SPOCK3: variants seen among roughly 807,000 people sequenced by gnomAD.
SPOCK3 encodes the protein SPARC (osteonectin), cwcv and kazal like domains proteoglycan 3.
A neutral mutation model predicts 56.6 loss-of-function variants in SPOCK3; 30 were observed. The ratio of observed to expected loss-of-function variants is 0.53; its 90% confidence interval spans 0.40 to 0.72. The LOEUF is 0.72. Ranked by LOEUF, SPOCK3 falls within the 30% of genes least tolerant of loss-of-function variation. SPOCK3 has a pLI of 0.00. For missense variants in SPOCK3, 527 were observed against 530.0 expected, an observed-to-expected ratio of 0.99 and a Z score of 0.06; for synonymous variants, 196 against 183.3, an observed-to-expected ratio of 1.07 and a Z score of -0.56.
At chr4:167,162,456 G>A (rs545739472) in intron 2 of SPOCK3, among the ~76,000 whole-genome samples, 1 of 152,164 alleles carries the variant, frequency 6.6e-6, no homozygotes, top group East Asian at 1.9e-4. Context: ...CTAGCCCCAT[G>A]TACTTACTTA....
chr4:166,877,718 A>C (rs1399031530), intron 6 of SPOCK3, among the ~76,000 whole-genome samples: 1 of 152,164 alleles, frequency 6.6e-6, no homozygotes, highest in East Asian at 1.9e-4. Flanking sequence ...ATTTGGGAAA[A>C]ATATATTAAA....
At chr4:166,846,637 T>C (rs1425379349) in intron 6 of SPOCK3, among the ~76,000 whole-genome samples, 1 of 152,126 alleles carries the variant, frequency 6.6e-6, no homozygotes, top group East Asian at 1.9e-4. Context: ...TTAGCTCACT[T>C]TAATTCACAT....
At chr4:166,909,304 T>C (rs930185415) in intron 5 of SPOCK3, among the ~76,000 whole-genome samples, 3 of 152,188 alleles carry the variant, frequency 2.0e-5, no homozygotes, top group East Asian at 1.9e-4. Context: ...CTTTTAAAAT[T>C]ATATCTTAGT....
At chr4:166,934,185 C>T (rs1740104994) in intron 4 of SPOCK3, among the ~76,000 whole-genome samples, 1 of 151,892 alleles carries the variant, frequency 6.6e-6, no homozygotes, top group South Asian at 2.1e-4. Context: ...TATGAAACCA[C>T]ATACATAAGA....
intron 4 of SPOCK3, among the ~76,000 whole-genome samples, chr4:166,975,988 A>G (rs1404299799): frequency 1.3e-5 from 2 of 152,080 alleles, no homozygotes; most frequent in Admixed American, 6.6e-5. Flanking sequence ...GGGAGTGCAG[A>G]TATCTTTTCA....
intron 4 of SPOCK3, among the ~76,000 whole-genome samples, chr4:166,966,351 A>C (rs1197830339): frequency 1.3e-5 from 2 of 151,696 alleles, no homozygotes; most frequent in Non-Finnish European, 2.9e-5. Context: ...GCTTTCTTTC[A>C]GTCATTATTT....
At chr4:167,234,824 A>G (rs542712307), upstream of SPOCK3, 1 of 152,820 alleles carries the variant, frequency 6.5e-6, no homozygotes, top group East Asian at 1.9e-4. Context: ...AGAGGTTCTC[A>G]TGTTCGCGAG....
At chr4:166,897,505 G>T (rs535428501) in intron 5 of SPOCK3, among the ~76,000 whole-genome samples, 1 of 152,108 alleles carries the variant, frequency 6.6e-6, no homozygotes, top group Non-Finnish European at 1.5e-5. Context: ...TTCCTTAGCT[G>T]CAACACAAAA....
chr4:166,843,542 A>G (rs1002145520), intron 6 of SPOCK3, among the ~76,000 whole-genome samples: 1 of 152,178 alleles, frequency 6.6e-6, no homozygotes, highest in African/African-American at 2.4e-5. Context: ...TTGAAAAAAT[A>G]AGCCACCATG....
chr4:166,884,375 T>A (rs1204386639), intron 6 of SPOCK3, among the ~76,000 whole-genome samples: 3 of 146,518 alleles, frequency 2.0e-5, no homozygotes, highest in African/African-American at 2.5e-5. Flanking sequence ...AAAAAAAAAA[T>A]GAAAAAAAAA....
rs528399819 is a variant in SPOCK3, at chr4:167,198,273, G to A, written c.189+35712C>T. On this transcript the variant is annotated intron_variant, in intron 2 of 10. Coordinates refer to ENST00000357545, the MANE Select transcript of SPOCK3 (RefSeq NM_001040159.2). ...TCAAAAAAAATTAAAGTCTTTCTGT[G>A]GAGGTTCCTGTCACAACCCCCAAAG... Among the ~76,000 whole-genome samples the A allele has an allele frequency of 3.3e-5, 5 of 152,168 alleles. No individual in the cohort carries two copies. The South Asian group carries it at 1.0e-3, about 32-fold the overall frequency.
At chr4:166,850,497 C>T (rs1478292134) in intron 6 of SPOCK3, among the ~76,000 whole-genome samples, 2 of 152,224 alleles carry the variant, frequency 1.3e-5, no homozygotes, top group East Asian at 1.9e-4. Flanking sequence ...CTCCCATCTA[C>T]AGCTCCCAGC....
rs373632506 is a variant in SPOCK3, at chr4:166,969,286, T to C, written c.350+31063A>G. On this transcript the variant is annotated intron_variant, in intron 4 of 10. Transcript: ENST00000357545. ...ACTGTTAGGAAGGCATGCTTGTGCT[T>C]TGAAATGTGAGAAGGACATGAGTTT... Among the ~76,000 whole-genome samples, 5 of 152,296 alleles carry C rather than the reference T, an allele frequency of 3.3e-5. 1 individual carries two copies. The South Asian group carries it at 8.3e-4, about 25-fold the overall frequency.
At chr4:166,827,231 T>A (rs988396738) in intron 6 of SPOCK3, among the ~76,000 whole-genome samples, 1 of 152,224 alleles carries the variant, frequency 6.6e-6, no homozygotes, top group Non-Finnish European at 1.5e-5. Context: ...TAATTCTAAG[T>A]GAAGTTTTCC....
In SPOCK3 at chr4:167,202,819, C is replaced by A. The variant is rs138060626; in HGVS notation, c.189+31166G>T. Among the ~76,000 whole-genome samples, 547 of 150,900 alleles carry A rather than the reference C, an allele frequency of 3.6e-3. 3 individuals carry two copies. The highest frequency in any genetic ancestry group is 0.012 in the African/African-American group (515 of 41,222). The stretch of plus-strand genomic sequence containing the variant: ...TATTCATGCATTCTTAGCTCAAAAC[C>A]AGATGTCAGCAATATTAAGATGTAG... On this transcript the variant is annotated intron_variant, in intron 2 of 10. Coordinates refer to ENST00000357545, the MANE Select transcript of SPOCK3 (RefSeq NM_001040159.2).
chr4:167,228,981 A>G (rs1394926248), intron 2 of SPOCK3, among the ~76,000 whole-genome samples: 2 of 152,198 alleles, frequency 1.3e-5, no homozygotes, highest in East Asian at 1.9e-4. Context: ...AAGCAAAAGA[A>G]AGAGAGAAAA....
chr4:166,800,053 G>A (rs1387141629), intron 6 of SPOCK3, among the ~76,000 whole-genome samples: 1 of 151,490 alleles, frequency 6.6e-6, no homozygotes, highest in African/African-American at 2.4e-5. Flanking sequence ...GTGGTGGCGG[G>A]TGCCTGTAGT....
At chr4:166,996,372 G>T (rs80199630) in intron 4 of SPOCK3, among the ~76,000 whole-genome samples, 3,044 of 152,164 alleles carry the variant, frequency 0.02, 64 homozygotes, top group Non-Finnish European at 0.033. Flanking sequence ...AGCTGCACAG[G>T]CAGCAAGGGA....
intron 2 of SPOCK3, among the ~76,000 whole-genome samples, chr4:167,232,800 A>G (rs948370145): frequency 6.6e-6 from 1 of 152,210 alleles, no homozygotes; most frequent in Non-Finnish European, 1.5e-5. Context: ...GTGTTTCTTC[A>G]GGAATCCCTC....
Sources: allele counts gnomAD v4.1 joint callset (sites outside exome capture counted in the v4.1 genomes callset), GRCh38; gene constraint gnomAD v4.1.1; transcripts MANE v1.5; gene names NCBI Gene and HGNC (gene_info 2026-07-23, HGNC 2026-07-21).